The following CIART variants were observed in gnomAD, a reference collection of about 807,000 sequenced individuals.
CIART encodes the protein circadian-associated transcriptional repressor.
Under a neutral mutation model 22.1 loss-of-function variants are expected in CIART, and 7 were observed. That is an observed-to-expected ratio of 0.32 (90% CI 0.18 to 0.59). The LOEUF is 0.59. Among genes scored for constraint, CIART ranks in the 20% least tolerant of loss-of-function variants. The probability of loss-of-function intolerance (pLI) is 0.86; values close to 1 mark genes in which losing one functional copy is unlikely to be tolerated. For synonymous variants in CIART, 163 were observed against 174.6 expected (o/e 0.93, Z 0.53); for missense variants, 440 against 478.0 (o/e 0.92, Z 0.74).
chr1:150,286,998 ATATT>A lies in CIART; in HGVS notation c.*48_*51del. 1 of 1,424,452 alleles carries A rather than the reference ATATT, an allele frequency of 7.0e-7. No individual in the cohort carries two copies. The highest frequency in any genetic ancestry group is 9.5e-7 in the Non-Finnish European group (1 of 1,054,956). 88.2% of individuals were successfully genotyped at this position (1,424,452 alleles called of 1,614,324 possible). A position where few individuals can be genotyped will look rare whatever the true frequency, so the allele number is the denominator to read the frequency against. On this transcript the variant is annotated 3_prime_UTR_variant, in exon 5 of 5. Transcript: ENST00000290363. ...CCACTGTGACTTCTAATTTGTGTAA[ATATT>A]TATGTATATATGTATTTTTACTATT...
intron 4 of CIART, chr1:150,285,089 C>T: frequency 4.1e-6 from 1 of 243,826 alleles, no homozygotes; most frequent in South Asian, 5.0e-5. Flanking sequence ...TCCTTCTTTT[C>T]ATTTCTGCCC....
At position 150,282,974 on chromosome 1, in the gene CIART, A is replaced by G. The variant is rs1410234007; in HGVS notation, c.-294A>G. On this transcript the variant is annotated 5_prime_UTR_variant, in exon 1 of 5. Transcript: ENST00000290363. The stretch of plus-strand genomic sequence containing the variant: ...TCGGTATTTACTCTGAACTGAGGGA[A>G]GAAAAGAACGGAGGCCGCGTCAGAC... 5.1e-6 allele frequency: 1 copy of G among 195,352 alleles called. No individual in the cohort carries two copies. The highest frequency in any genetic ancestry group is 1.0e-5 in the Non-Finnish European group (1 of 96,250). 12.1% of individuals were successfully genotyped at this position (195,352 alleles called of 1,614,324 possible).
chr1:150,283,063 A>C lies in CIART; in HGVS notation c.-205A>C. On this transcript the variant is annotated 5_prime_UTR_variant, in exon 1 of 5. Coordinates refer to ENST00000290363, the MANE Select transcript of CIART (RefSeq NM_144697.4). ...GCTCTTAATGGGCGGGGGTGGGGGT[A>C]GAAATGTCTTTTTCTATTGTGTTTG... 1 of 400,526 alleles carries C rather than the reference A, an allele frequency of 2.5e-6. No individual in the cohort carries two copies. The highest frequency in any genetic ancestry group is 4.2e-6 in the Non-Finnish European group (1 of 236,420). 24.8% of individuals were successfully genotyped at this position (400,526 alleles called of 1,614,324 possible).
rs1418413760 is a variant in CIART at position 150,286,361 on chromosome 1, A to G, written c.634-69A>G. 7 of 1,384,332 alleles carry G rather than the reference A, an allele frequency of 5.1e-6. No individual in the cohort carries two copies. In the East Asian group the frequency reaches 1.1e-4, roughly 23 times the overall value. The allele number at this position is 1,384,332 out of a possible 1,614,324, so 85.8% of individuals were successfully genotyped here. ...AGTTCCCAAGGAATGCAAAGGTTTA[A>G]GTAACCAGGTGGAGCTCATCTGAAT... On this transcript the variant is annotated intron_variant, in intron 4 of 4. Coordinates refer to ENST00000290363, the MANE Select transcript of CIART (RefSeq NM_144697.4).
At chr1:150,286,318 T>A in intron 4 of CIART, 112 bp from the exon 5 acceptor site, 1 of 952,112 alleles carries the variant, frequency 1.1e-6, no homozygotes, top group Non-Finnish European at 1.6e-6. Flanking sequence ...AAACGAGGTA[T>A]GTTTGCATTG....
At chr1:150,284,003 T>TTTATTGTTATTATTA (rs587613531) in intron 2 of CIART, 123 bp downstream of exon 2, 25 of 490,038 alleles carry the variant, frequency 5.1e-5, no homozygotes, top group Middle Eastern at 7.9e-4. Flanking sequence ...CTACTATGAC[T>TTTATTGTTATTATTA]TTATTATTAT....
chr1:150,284,002 C>T lies in CIART; in HGVS notation c.442+122C>T, dbSNP rs914103372. On this transcript the variant is annotated intron_variant, in intron 2 of 4. Transcript: ENST00000290363. The stretch of plus-strand genomic sequence containing the variant: ...TATTACTCCTTTTTTGCTACTATGA[C>T]TTTATTATTATTATTATTATTATTA... 3.1e-5 allele frequency: 16 copies of T among 519,808 alleles called. No homozygotes were observed. In the African/African-American group the frequency reaches 3.7e-4, roughly 12 times the overall value. The allele number at this position is 519,808 out of a possible 1,614,324, so 32.2% of individuals were successfully genotyped here.
At chr1:150,284,003 T>TTTATTATTATTATTATTATTA (rs57585190) in intron 2 of CIART, 123 bp downstream of exon 2, 8,389 of 489,756 alleles carry the variant, frequency 0.017, 167 homozygotes, top group African/African-American at 0.026. Context: ...CTACTATGAC[T>TTTATTATTATTATTATTATTA]TTATTATTAT....
In CIART at chr1:150,284,720, A is replaced by C; in HGVS notation, c.633+12A>C. 1 of 1,580,276 alleles carries C rather than the reference A, an allele frequency of 6.3e-7. No homozygotes were observed. The highest frequency in any genetic ancestry group is 2.2e-5 in the East Asian group (1 of 44,706). On this transcript the variant is annotated intron_variant, in intron 4 of 4. Coordinates refer to ENST00000290363, the MANE Select transcript of CIART (RefSeq NM_144697.4). ...ATCAGCTGACCAAGGTAAGAACTTA[A>C]GAACACGAGGAAGAGGTGGGAAAAT... is the stretch of plus-strand genomic sequence containing the variant.
intron 4 of CIART, 79 bp downstream of exon 4, chr1:150,284,787 GC>G: frequency 9.4e-7 from 1 of 1,066,734 alleles, no homozygotes; most frequent in Non-Finnish European, 1.4e-6. Flanking sequence ...GGCCCCTTTT[GC>G]CATTTTCTTT....
At position 150,282,896 on chromosome 1, in the gene CIART, G is replaced by A. The variant is rs1219596891; in HGVS notation, c.-372G>A. The A allele has an allele frequency of 6.4e-6, 1 of 156,566 alleles. No homozygotes were observed. The highest frequency in any genetic ancestry group is 1.4e-5 in the Non-Finnish European group (1 of 71,038). The allele number at this position is 156,566 out of a possible 1,614,324, so 9.7% of individuals were successfully genotyped here. On this transcript the variant is annotated 5_prime_UTR_variant, in exon 1 of 5. Transcript: ENST00000290363. ...GGTGGAGAGGCTTGCTGCGGACTCA[G>A]GCTGGCGAATAGCCCTGGCGAACAA...
chr1:150,287,072 A>G lies in CIART; in HGVS notation c.*118A>G. On this transcript the variant is annotated 3_prime_UTR_variant, in exon 5 of 5. Transcript: ENST00000290363. ...AGGGAAGATAAATCCTTTCTGATTA[A>G]AGAAATTTTTTTATACCTAAACAGT... The G allele has an allele frequency of 9.0e-7, 1 of 1,108,080 alleles. No homozygotes were observed. 68.6% of individuals were successfully genotyped at this position (1,108,080 alleles called of 1,614,324 possible). A position where few individuals can be genotyped will look rare whatever the true frequency, so the allele number is the denominator to read the frequency against.
Position 150,284,994 on chromosome 1 carries a change from C to A in CIART, c.633+286C>A, listed in dbSNP as rs1572130416. The A allele has an allele frequency of 1.4e-5, 6 of 422,072 alleles. No individual in the cohort carries two copies. In the East Asian group the frequency reaches 2.9e-4, roughly 21 times the overall value. 26.1% of individuals were successfully genotyped at this position (422,072 alleles called of 1,614,324 possible). The stretch of plus-strand genomic sequence containing the variant: ...CTGCGTAGATACAAAAGGCTTTTTA[C>A]CTGGCCAAATGATTCATGCGGGAAT... On this transcript the variant is annotated intron_variant, in intron 4 of 4. Coordinates refer to ENST00000290363, the MANE Select transcript of CIART (RefSeq NM_144697.4).
chr1:150,284,972 C>T (rs782252603), intron 4 of CIART: 16 of 479,616 alleles, frequency 3.3e-5, no homozygotes, highest in Non-Finnish European at 4.8e-5. Context: ...CTGCTTTCTG[C>T]GTAGATACAA....
In CIART at chr1:150,283,791, C is replaced by A. The variant is rs981378388; in HGVS notation, c.367-14C>A. On this transcript the variant is annotated splice_polypyrimidine_tract_variant and intron_variant, in intron 1 of 4. Transcript: ENST00000290363. ...TTTTTGTCTTCTTACAGCCTTTGTC[C>A]TATTTTCCTACAGTGTAAAGAACTC... The A allele has an allele frequency of 6.4e-7, 1 of 1,568,678 alleles. No homozygotes were observed. The highest frequency in any genetic ancestry group is 1.4e-5 in the African/African-American group (1 of 73,776).
intron 4 of CIART, among the ~76,000 whole-genome samples, chr1:150,286,118 TA>T (rs1391406291): frequency 3.3e-5 from 5 of 150,710 alleles, no homozygotes; most frequent in African/African-American, 1.2e-4. Flanking sequence ...AAAGAAATTC[TA>T]AAAGGGATTA....
At position 150,283,132 on chromosome 1, in the gene CIART, G is replaced by T. The variant is rs1402442517; in HGVS notation, c.-136G>T. 6.8e-6 allele frequency: 6 copies of T among 877,698 alleles called. No homozygotes were observed. Among genetic ancestry groups the T allele is most frequent in the African/African-American group, 6.8e-5 (4 of 58,560 alleles). The allele number at this position is 877,698 out of a possible 1,614,324, so 54.4% of individuals were successfully genotyped here. A position where few individuals can be genotyped will look rare whatever the true frequency, so the allele number is the denominator to read the frequency against. On this transcript the variant is annotated 5_prime_UTR_variant, in exon 1 of 5. Transcript: ENST00000290363. Reference sequence around the variant, plus strand: ...AGGGGGAGAACAAGTATTATCCCACGCAGTACACCCCAATCTCCCAGTTCA... The same window carrying T: ...AGGGGGAGAACAAGTATTATCCCACTCAGTACACCCCAATCTCCCAGTTCA...
Position 150,286,605 on chromosome 1 carries a change from CT to C in CIART, c.810del (p.Leu271SerfsTer14). 17 of 1,609,678 alleles carry C rather than the reference CT, an allele frequency of 1.1e-5. No individual in the cohort carries two copies. Among genetic ancestry groups the C allele is most frequent in the Non-Finnish European group, 1.4e-5 (16 of 1,175,898 alleles). On this transcript the variant is annotated frameshift_variant, in exon 5 of 5. Transcript: ENST00000290363. LOFTEE classifies it low-confidence loss of function (END_TRUNC). ...CACACCACTCCAATTTGCAACCCCC[CT>C]CTCAGCTCCCCAGGTACTATCTCCT... ...WIHTTPICNP[P>X]LSSPGTISFS...
Position 150,283,174 on chromosome 1 carries a change from C to A in CIART, c.-94C>A. On this transcript the variant is annotated 5_prime_UTR_variant, in exon 1 of 5. Transcript: ENST00000290363. Reference sequence around the variant, plus strand: ...CCCAGTTCATTTCCTAATCCTTAAACTCTGGTTTCAAACTCCCTCGCTTTG... The same window carrying A: ...CCCAGTTCATTTCCTAATCCTTAAAATCTGGTTTCAAACTCCCTCGCTTTG... The A allele has an allele frequency of 7.5e-7, 1 of 1,328,438 alleles. No individual in the cohort carries two copies. The highest frequency in any genetic ancestry group is 1.5e-5 in the African/African-American group (1 of 67,616). The allele number at this position is 1,328,438 out of a possible 1,614,324, so 82.3% of individuals were successfully genotyped here.
Sources: gnomAD v4.1 joint callset for allele counts (sites outside exome capture counted in the v4.1 genomes callset) on GRCh38, gnomAD v4.1.1 for gene constraint, MANE v1.5 for transcripts, NCBI Gene and HGNC (gene_info 2026-07-23, HGNC 2026-07-21) for gene names.